The following CCNC variants were observed in gnomAD, a reference collection of about 807,000 sequenced individuals.
The protein encoded by CCNC is cyclin-C.
Under a neutral mutation model 50.0 loss-of-function variants are expected in CCNC, and 19 were observed. The observed-to-expected ratio is 0.38, with a 90% CI of 0.27 to 0.56. The LOEUF (loss-of-function observed/expected upper bound fraction) is 0.56, where lower values mean the gene tolerates loss of function less well. CCNC is among the 20% of genes least tolerant of loss of function. The pLI is 0.72. For synonymous variants in CCNC, 93 were observed against 103.7 expected (o/e 0.90, Z 0.63); for missense variants, 200 against 327.1 (o/e 0.61, Z 3.00).
chr6:99,550,335 T>C (rs1262549820), intron 7 of CCNC, 26 bp from the exon 8 acceptor site: 2 of 1,509,034 alleles, frequency 1.3e-6, no homozygotes, highest in South Asian at 1.2e-5. Context: ...AAAATGTGTA[T>C]GTATAAAAAA....
chr6:99,547,000 G>A (rs1562487390), intron 9 of CCNC, among the ~76,000 whole-genome samples: 1 of 152,122 alleles, frequency 6.6e-6, no homozygotes, highest in Non-Finnish European at 1.5e-5. Context: ...AGAATTCAGT[G>A]TTGTAATCAA....
intron 1 of CCNC, among the ~76,000 whole-genome samples, chr6:99,565,194 G>A (rs960360607): frequency 6.6e-6 from 1 of 151,780 alleles, no homozygotes; most frequent in African/African-American, 2.4e-5. Flanking sequence ...GCATTATGTC[G>A]AGTCCTAAAA....
At chr6:99,554,610 C>T (rs1802438419) in intron 5 of CCNC, among the ~76,000 whole-genome samples, 1 of 152,152 alleles carries the variant, frequency 6.6e-6, no homozygotes, top group African/African-American at 2.4e-5. Flanking sequence ...TCAGTGGGAG[C>T]TCTCTTAGTT....
intron 11 of CCNC, among the ~76,000 whole-genome samples, chr6:99,544,829 A>AACTT (rs1802013664): frequency 6.6e-6 from 1 of 152,006 alleles, no homozygotes; most frequent in Non-Finnish European, 1.5e-5. Context: ...ATTTCAGATG[A>AACTT]ACTTACCTAA....
At chr6:99,562,612 T>G (rs1216567405) in intron 2 of CCNC, 3 of 413,646 alleles carry the variant, frequency 7.3e-6, no homozygotes, top group African/African-American at 6.2e-5. Context: ...TTAGGGAGAT[T>G]AGGTAACACT....
intron 1 of CCNC, chr6:99,567,184 CT>C (rs994241479): frequency 1.3e-3 from 206 of 156,160 alleles, no homozygotes; most frequent in South Asian, 5.7e-3. Flanking sequence ...AAGGCAGGAT[CT>C]TTTTTTTTTA....
chr6:99,559,261 C>T (rs1354471537), intron 4 of CCNC, among the ~76,000 whole-genome samples: 1 of 151,468 alleles, frequency 6.6e-6, no homozygotes, highest in Admixed American at 6.6e-5. Context: ...TTACGTAAGA[C>T]TTCCAAAGTC....
chr6:99,552,021 C>T, intron 5 of CCNC, 126 bp from the exon 6 acceptor site: 3 of 513,150 alleles, frequency 5.8e-6, no homozygotes, highest in Non-Finnish European at 9.3e-6. Context: ...CTTGGCAACA[C>T]TTACGGACGC....
chr6:99,559,408 AAT>A (rs1449609422), intron 4 of CCNC, among the ~76,000 whole-genome samples: 1 of 152,152 alleles, frequency 6.6e-6, no homozygotes, highest in Non-Finnish European at 1.5e-5. Context: ...AAAATAAAAA[AAT>A]CAAGAGTTGG....
intron 5 of CCNC, among the ~76,000 whole-genome samples, chr6:99,554,449 T>A: frequency 6.6e-6 from 1 of 152,174 alleles, no homozygotes; most frequent in East Asian, 1.9e-4. Context: ...AATAGTTACA[T>A]ATATTATTTG....
At chr6:99,558,650 C>CTCAAGTAG in intron 4 of CCNC, 102 bp from the exon 5 acceptor site, 1 of 1,028,284 alleles carries the variant, frequency 9.7e-7, no homozygotes, top group Non-Finnish European at 1.4e-6. Context: ...ATCTGTTCAC[C>CTCAAGTAG]TTCTAACTAC....
chr6:99,546,538 A>G (rs370991295), intron 9 of CCNC, 64 bp from the exon 10 acceptor site: 2 of 1,054,526 alleles, frequency 1.9e-6, no homozygotes, highest in East Asian at 2.4e-5. Context: ...ATGATCTAAC[A>G]AAGATTTTTC....
intron 4 of CCNC, among the ~76,000 whole-genome samples, chr6:99,560,793 A>G (rs1802745733): frequency 1.3e-5 from 2 of 152,238 alleles, no homozygotes; most frequent in South Asian, 4.1e-4. Flanking sequence ...GTTAGACTCT[A>G]TATAGCTATA....
chr6:99,543,310 G>C lies in CCNC; in HGVS notation c.*245C>G. On this transcript the variant is annotated 3_prime_UTR_variant, in exon 12 of 12. Transcript: ENST00000520429. ...AATCAAAAGCTATTAATTTTGAAAT[G>C]TCTATGTATGTCTGTCTGTAGGTCC... The C allele has an allele frequency of 2.7e-6, 1 of 364,926 alleles. No individual in the cohort carries two copies. Among genetic ancestry groups the C allele is most frequent in the Non-Finnish European group, 4.9e-6 (1 of 203,484 alleles). The allele number at this position is 364,926 out of a possible 1,614,324, so 22.6% of individuals were successfully genotyped here. A position where few individuals can be genotyped will look rare whatever the true frequency, so the allele number is the denominator to read the frequency against.
At chr6:99,564,375 A>G (rs1209682515) in intron 1 of CCNC, among the ~76,000 whole-genome samples, 1 of 149,178 alleles carries the variant, frequency 6.7e-6, no homozygotes, top group East Asian at 2.0e-4. Context: ...CACTGAGTTG[A>G]GATCATACCA....
chr6:99,550,715 G>A, intron 7 of CCNC: 1 of 245,970 alleles, frequency 4.1e-6, no homozygotes, highest in South Asian at 1.0e-4. Flanking sequence ...ATAATTTATG[G>A]TGGTTTAATG....
chr6:99,567,059 G>T, intron 1 of CCNC: 1 of 358,868 alleles, frequency 2.8e-6, no homozygotes, highest in Non-Finnish European at 5.4e-6. Flanking sequence ...TGGGAGAAAA[G>T]AATAGTTTCA....
intron 9 of CCNC, among the ~76,000 whole-genome samples, chr6:99,546,731 C>T (rs1440010369): frequency 2.6e-5 from 4 of 152,130 alleles, no homozygotes; most frequent in South Asian, 4.2e-4. Flanking sequence ...GAGTCAGGCA[C>T]GTTAAAGAGG....
In CCNC at chr6:99,556,691, A is replaced by T. The variant is rs1802525225; in HGVS notation, c.346+1806T>A. Among the ~76,000 whole-genome samples, 3 of 152,302 alleles carry T rather than the reference A, an allele frequency of 2.0e-5. 1 individual carries two copies. In the South Asian group the frequency reaches 6.2e-4, roughly 32 times the overall value. ...AGTGGCTCACGCCTGTAATCTCAGC[A>T]CTTTGGGAGGCCTGAGGTGAGGAGT... On this transcript the variant is annotated intron_variant, in intron 5 of 11. Transcript: ENST00000520429.
Sources: allele counts gnomAD v4.1 joint callset (sites outside exome capture counted in the v4.1 genomes callset), GRCh38; gene constraint gnomAD v4.1.1; transcripts MANE v1.5; gene names NCBI Gene and HGNC (gene_info 2026-07-23, HGNC 2026-07-21).